ADAM10: variants seen among roughly 807,000 people sequenced by gnomAD.
ADAM10 encodes the protein ADAM metallopeptidase domain 10.
A neutral mutation model predicts 90.1 loss-of-function variants in ADAM10; 17 were observed. That is an observed-to-expected ratio of 0.19 (90% CI 0.13 to 0.28). ADAM10 has a LOEUF of 0.28. ADAM10 is among the 10% of genes least tolerant of loss of function. ADAM10 has a pLI of 1.00. For missense variants in ADAM10, 610 were observed against 914.3 expected (o/e 0.67, Z 4.29); for synonymous variants, 310 against 298.6 (o/e 1.04, Z -0.40).
rs116923065 is a variant in ADAM10, at chr15:58,621,444, T to A, written c.1511+27A>T. On this transcript the variant is annotated intron_variant, in intron 11 of 15. Transcript: ENST00000260408. ...GCATTGAGGTAACTTTACAAGAATG[T>A]TAACATCACTGAAATTAGCAAGGTA... 8,898 of 1,613,706 alleles carry A rather than the reference T, an allele frequency of 5.5e-3. 548 individuals are homozygous for A. In the Admixed American group the frequency reaches 0.12, roughly 22 times the overall value.
rs975290374 is a variant in ADAM10 at position 58,663,266 on chromosome 15, C to T, written c.585+1831G>A. ...TTGTTGTAGGATGGTGATCCAACTT[C>T]ATCTTTTTTCAAATAGATAAACATT... On this transcript the variant is annotated intron_variant, in intron 5 of 15. Coordinates refer to ENST00000260408, the MANE Select transcript of ADAM10 (RefSeq NM_001110.4). 3.3e-5 allele frequency among the ~76,000 whole-genome samples: 5 copies of T among 152,184 alleles called. No individual in the cohort carries two copies. In the South Asian group the frequency reaches 1.0e-3, roughly 31 times the overall value.
chr15:58,602,081 A>C (rs1895126697), intron 14 of ADAM10, among the ~76,000 whole-genome samples: 1 of 152,126 alleles, frequency 6.6e-6, no homozygotes, highest in African/African-American at 2.4e-5. Context: ...GAAGTATGTA[A>C]ATATCCTGTT....
intron 14 of ADAM10, chr15:58,609,700 T>C (rs908944075): frequency 3.2e-5 from 5 of 154,616 alleles, no homozygotes; most frequent in African/African-American, 1.2e-4. Flanking sequence ...TAAGTTGAGA[T>C]AGTCAATCTT....
chr15:58,695,450 C>T (rs1221171258), intron 2 of ADAM10, among the ~76,000 whole-genome samples: 1 of 152,090 alleles, frequency 6.6e-6, no homozygotes, highest in Non-Finnish European at 1.5e-5. Flanking sequence ...TATAAAGGTA[C>T]ACACTATTTT....
At chr15:58,677,007 T>C (rs1028672666) in intron 4 of ADAM10, among the ~76,000 whole-genome samples, 1 of 152,220 alleles carries the variant, frequency 6.6e-6, no homozygotes, top group African/African-American at 2.4e-5. Flanking sequence ...CGGTCTAGAA[T>C]ATAAATATAG....
chr15:58,612,821 G>C (rs1336562304), intron 11 of ADAM10, among the ~76,000 whole-genome samples: 2 of 152,210 alleles, frequency 1.3e-5, no homozygotes, highest in African/African-American at 4.8e-5. Flanking sequence ...CAAGGTGCTA[G>C]GGAGTAACCC....
At chr15:58,734,706 A>T (rs1225321017) in intron 1 of ADAM10, among the ~76,000 whole-genome samples, 27 of 143,444 alleles carry the variant, frequency 1.9e-4, no homozygotes, top group East Asian at 6.0e-4. Flanking sequence ...TCTCAAAATT[A>T]AAAAAAAAAA....
chr15:58,660,509 G>C (rs1303296713), intron 5 of ADAM10, among the ~76,000 whole-genome samples: 1 of 151,546 alleles, frequency 6.6e-6, no homozygotes, highest in Middle Eastern at 3.2e-3. Context: ...ATTGAGACAG[G>C]GTCTCGCTGT....
intron 4 of ADAM10, among the ~76,000 whole-genome samples, chr15:58,677,166 C>T (rs1297988496): frequency 1.3e-5 from 2 of 152,068 alleles, no homozygotes; most frequent in African/African-American, 4.8e-5. Flanking sequence ...TTCCGTACTC[C>T]CATCCTCATA....
intron 14 of ADAM10, among the ~76,000 whole-genome samples, chr15:58,601,386 G>A (rs1171201755): frequency 6.6e-6 from 1 of 152,042 alleles, no homozygotes; most frequent in South Asian, 2.1e-4. Context: ...GCTTGAACCA[G>A]GGAGGCAGAG....
intron 3 of ADAM10, among the ~76,000 whole-genome samples, chr15:58,681,392 G>A (rs1262475664): frequency 1.3e-5 from 2 of 152,054 alleles, no homozygotes; most frequent in African/African-American, 4.8e-5. Flanking sequence ...TCATTTATCT[G>A]GCACAATCGA....
chr15:58,740,872 T>C (rs1899590130), intron 1 of ADAM10, among the ~76,000 whole-genome samples: 1 of 152,226 alleles, frequency 6.6e-6, no homozygotes, highest in Non-Finnish European at 1.5e-5. Flanking sequence ...TTGGTAATGA[T>C]GTTCTAATAT....
At chr15:58,689,734 A>G (rs958178582) in intron 2 of ADAM10, among the ~76,000 whole-genome samples, 5 of 152,130 alleles carry the variant, frequency 3.3e-5, no homozygotes, top group Non-Finnish European at 5.9e-5. Flanking sequence ...TAAAAGGTAC[A>G]AATTATGAAA....
chr15:58,702,329 G>A (rs1436609442), intron 2 of ADAM10, among the ~76,000 whole-genome samples: 3 of 152,110 alleles, frequency 2.0e-5, no homozygotes, highest in Non-Finnish European at 2.9e-5. Flanking sequence ...GAGATGAAGA[G>A]AGGTTGTTAA....
At chr15:58,625,390 A>G (rs1286544201) in intron 10 of ADAM10, among the ~76,000 whole-genome samples, 1 of 152,256 alleles carries the variant, frequency 6.6e-6, no homozygotes, top group Non-Finnish European at 1.5e-5. Context: ...TAAATGGCCA[A>G]TAAGTACATG....
At chr15:58,729,098 A>G (rs993106426) in intron 1 of ADAM10, among the ~76,000 whole-genome samples, 1 of 152,096 alleles carries the variant, frequency 6.6e-6, no homozygotes, top group Admixed American at 6.6e-5. Flanking sequence ...TGGCTCACAC[A>G]TGTAATCCCA....
At chr15:58,662,243 T>C (rs1283974465) in intron 5 of ADAM10, among the ~76,000 whole-genome samples, 5 of 152,206 alleles carry the variant, frequency 3.3e-5, no homozygotes, top group African/African-American at 1.2e-4. Flanking sequence ...ATTTTTGAGG[T>C]TTGTTTTTCT....
chr15:58,645,185 G>A (rs961464919), intron 6 of ADAM10, among the ~76,000 whole-genome samples: 3 of 152,208 alleles, frequency 2.0e-5, no homozygotes, highest in South Asian at 2.1e-4. Flanking sequence ...AGCCCACGCT[G>A]CCAAACACTG....
chr15:58,657,951 T>A (rs1896872368), intron 5 of ADAM10, among the ~76,000 whole-genome samples: 1 of 151,938 alleles, frequency 6.6e-6, no homozygotes, highest in African/African-American at 2.4e-5. Context: ...AAGCCTTTTA[T>A]CAGAGACATT....
Sources: gnomAD v4.1 joint callset for allele counts (sites outside exome capture counted in the v4.1 genomes callset) on GRCh38, gnomAD v4.1.1 for gene constraint, MANE v1.5 for transcripts, NCBI Gene and HGNC (gene_info 2026-07-23, HGNC 2026-07-21) for gene names.